The following VAV3 variants were observed in gnomAD, a reference collection of about 807,000 sequenced individuals.
VAV3 encodes the protein vav guanine nucleotide exchange factor 3.
In VAV3, 94 loss-of-function variants were observed where a neutral mutation model predicts 131.2. The ratio of observed to expected loss-of-function variants is 0.72; its 90% CI spans 0.61 to 0.85. The LOEUF is 0.85. Among genes scored for constraint, VAV3 ranks in the 40% least tolerant of loss-of-function variants. The pLI, the probability that VAV3 is intolerant of heterozygous loss-of-function variation, is 0.00. For missense variants in VAV3, 939 were observed against 1,002.7 expected (o/e 0.94, Z 0.86); for synonymous variants, 349 against 342.0 (o/e 1.02, Z -0.22).
At chr1:107,624,147 GA>G (rs1002506151) in intron 20 of VAV3, among the ~76,000 whole-genome samples, 3 of 151,508 alleles carry the variant, frequency 2.0e-5, no homozygotes, top group South Asian at 4.2e-4. Flanking sequence ...TGTATACTGA[GA>G]AAAAAAACCC....
intron 1 of VAV3, among the ~76,000 whole-genome samples, chr1:107,888,008 G>GC (rs1557903179): frequency 1.3e-5 from 2 of 151,918 alleles, no homozygotes; most frequent in East Asian, 3.9e-4. Context: ...AAAATTTGGG[G>GC]GGGGGGTTAT....
At chr1:107,581,546 T>A (rs1484341623) in intron 25 of VAV3, among the ~76,000 whole-genome samples, 2 of 152,246 alleles carry the variant, frequency 1.3e-5, no homozygotes, top group Non-Finnish European at 2.9e-5. Flanking sequence ...ATAGAAGTTA[T>A]CAGCATAGCC....
intron 12 of VAV3, among the ~76,000 whole-genome samples, chr1:107,753,467 T>G (rs1663863289): frequency 7.2e-6 from 1 of 138,928 alleles, no homozygotes; most frequent in Admixed American, 7.3e-5. Flanking sequence ...AATGTGTGTG[T>G]GTATGTATGT....
At chr1:107,707,838 T>C (rs923832314) in intron 15 of VAV3, among the ~76,000 whole-genome samples, 1 of 151,642 alleles carries the variant, frequency 6.6e-6, no homozygotes, top group East Asian at 1.9e-4. Context: ...ATGAGAAGGG[T>C]TGGGAAAGTA....
chr1:107,897,028 G>A, intron 1 of VAV3, among the ~76,000 whole-genome samples: 1 of 151,888 alleles, frequency 6.6e-6, no homozygotes, highest in Non-Finnish European at 1.5e-5. Context: ...GAAATCCACA[G>A]TCCACAATAA....
chr1:107,747,221 G>A (rs1361651402), intron 15 of VAV3, among the ~76,000 whole-genome samples: 1 of 152,026 alleles, frequency 6.6e-6, no homozygotes, highest in Non-Finnish European at 1.5e-5. Flanking sequence ...TTGTTTTATG[G>A]CAACTGAACA....
intron 4 of VAV3, among the ~76,000 whole-genome samples, chr1:107,774,339 T>A (rs1665215566): frequency 6.6e-6 from 1 of 152,162 alleles, no homozygotes; most frequent in Non-Finnish European, 1.5e-5. Context: ...AATGTTAGGA[T>A]TACAGGCATG....
intron 19 of VAV3, among the ~76,000 whole-genome samples, chr1:107,667,795 T>C (rs550328540): frequency 6.0e-4 from 92 of 152,346 alleles, no homozygotes; most frequent in African/African-American, 2.1e-3. Context: ...TATTTTGCTA[T>C]GATTTTATTT....
Position 107,760,879 on chromosome 1 carries a change from C to A in VAV3, c.922G>T (p.Glu308Ter). ...CCATTATTTGCTCTTTTGGAACATT[C>A]CTAATGAAATGTTTTAAAAACACTT... The part of the protein sequence containing the change: ...TKEDVKLKLE[E>*]CSKRANNGKF... Residue 308 changes from glutamate to a stop codon, truncating the protein, a stop_gained and splice_region_variant, in exon 10 of 27, where the codon GAA becomes TAA. Transcript: ENST00000370056. LOFTEE classifies it high-confidence loss of function. 1 of 1,610,542 alleles carries A rather than the reference C, an allele frequency of 6.2e-7. No homozygotes were observed.
intron 20 of VAV3, among the ~76,000 whole-genome samples, chr1:107,639,261 G>A (rs1201567203): frequency 6.6e-6 from 1 of 152,006 alleles, no homozygotes; most frequent in East Asian, 1.9e-4. Context: ...TAACTTTGGG[G>A]TAGGCAAAGA....
chr1:107,687,590 T>C (rs1417738808), intron 18 of VAV3, among the ~76,000 whole-genome samples: 1 of 152,172 alleles, frequency 6.6e-6, no homozygotes, highest in African/African-American at 2.4e-5. Flanking sequence ...AAGAAATCTG[T>C]TATTTTTGGT....
chr1:107,658,924 C>A (rs939399992), intron 19 of VAV3, among the ~76,000 whole-genome samples: 1 of 152,102 alleles, frequency 6.6e-6, no homozygotes, highest in African/African-American at 2.4e-5. Context: ...ATGGTGGTTT[C>A]TTTTGCTGTG....
At chr1:107,894,439 T>G (rs945561388) in intron 1 of VAV3, among the ~76,000 whole-genome samples, 1 of 152,160 alleles carries the variant, frequency 6.6e-6, no homozygotes, top group Non-Finnish European at 1.5e-5. Context: ...GTATAAGTTC[T>G]CAGACATCAC....
chr1:107,704,948 G>A lies in VAV3; in HGVS notation c.1604+12C>T, dbSNP rs758394824. 3.7e-6 allele frequency: 6 copies of A among 1,609,906 alleles called. No homozygotes were observed. Among genetic ancestry groups the A allele is most frequent in the Non-Finnish European group, 4.2e-6 (5 of 1,176,488 alleles). The stretch of plus-strand genomic sequence containing the variant: ...TTCCTTTAAACTGAAAACCAGGACT[G>A]AGCAGGCTTACCTCAGGAGCATCTG... On this transcript the variant is annotated intron_variant, in intron 16 of 26. Transcript: ENST00000370056.
At position 107,639,545 on chromosome 1, in the gene VAV3, T is replaced by C. The variant is rs1268911741; in HGVS notation, c.1914+3074A>G. ...AACAAGCACTTCACCAGCAAAGTTA[T>C]ATAGATGGTAAACAAGCACACAAAA... On this transcript the variant is annotated intron_variant, in intron 20 of 26. Transcript: ENST00000370056. 2.0e-5 allele frequency among the ~76,000 whole-genome samples: 3 copies of C among 152,200 alleles called. No individual in the cohort carries two copies. The South Asian group carries it at 6.2e-4, about 31-fold the overall frequency.
In VAV3 at chr1:107,761,243, A is replaced by G. The variant is rs112453779; in HGVS notation, c.922-364T>C. On this transcript the variant is annotated intron_variant, in intron 9 of 26. Coordinates refer to ENST00000370056, the MANE Select transcript of VAV3 (RefSeq NM_006113.5). ...TCTCTACTGAAAATACAAAAACAAA[A>G]TTAGCCGGTCATGGTGGCAGGTGCC... Among the ~76,000 whole-genome samples the G allele has an allele frequency of 4.1e-3, 623 of 152,090 alleles. 2 individuals carry two copies. The highest frequency in any genetic ancestry group is 0.014 in the African/African-American group (596 of 41,500).
chr1:107,945,980 T>C (rs865881440), intron 1 of VAV3, among the ~76,000 whole-genome samples: 12 of 152,078 alleles, frequency 7.9e-5, no homozygotes, highest in African/African-American at 2.7e-4. Context: ...ATTCTGGGAA[T>C]GGCTGTTTAT....
intron 20 of VAV3, among the ~76,000 whole-genome samples, chr1:107,640,355 A>C (rs1655252878): frequency 1.3e-5 from 2 of 152,188 alleles, no homozygotes; most frequent in African/African-American, 4.8e-5. Flanking sequence ...GTGTGAAATA[A>C]GCCATACAAA....
At chr1:107,952,491 C>T (rs1225046485) in intron 1 of VAV3, among the ~76,000 whole-genome samples, 36 of 24,312 alleles carry the variant, frequency 1.5e-3, no homozygotes, top group East Asian at 2.2e-3. Context: ...TATATACACA[C>T]ATAAATTCAA....
Sources: allele counts gnomAD v4.1 joint callset (sites outside exome capture counted in the v4.1 genomes callset), GRCh38; gene constraint gnomAD v4.1.1; transcripts MANE v1.5; gene names NCBI Gene and HGNC (gene_info 2026-07-23, HGNC 2026-07-21).